Variants in IQCM observed in about 807,000 individuals in gnomAD.
IQCM encodes the protein IQ motif containing M, also known as IQ domain-containing protein M.
IQCM carries 45 observed loss-of-function variants against 57.6 expected under a neutral mutation model. The observed-to-expected ratio is 0.78, with a 90% CI of 0.62 to 1.00. The LOEUF (loss-of-function observed/expected upper bound fraction) is 1.00, where lower values mean the gene tolerates loss of function less well. Among genes scored for constraint, IQCM ranks in the 50% least tolerant of loss-of-function variants. IQCM has a pLI of 0.00. For missense variants in IQCM, 468 were observed against 511.6 expected (o/e 0.91, Z 0.82); for synonymous variants, 148 against 158.9 (o/e 0.93, Z 0.51).
In IQCM at chr4:149,733,517, A is replaced by G; in HGVS notation, c.121-9T>C. On this transcript the variant is annotated splice_polypyrimidine_tract_variant and intron_variant, in intron 4 of 13. Transcript: ENST00000636793. ...GTACCTTGAACTTTATTCTATGAAT[A>G]AAACAAAAATAGATTTTGGCAAAAT... is the stretch of plus-strand genomic sequence containing the variant. The G allele has an allele frequency of 8.2e-7, 1 of 1,212,122 alleles. No homozygotes were observed. The highest frequency in any genetic ancestry group is 3.2e-5 in the East Asian group (1 of 31,610). 75.1% of individuals were successfully genotyped at this position (1,212,122 alleles called of 1,614,324 possible).
At chr4:149,635,990 T>C (rs755249539) in intron 7 of IQCM, among the ~76,000 whole-genome samples, 1 of 152,166 alleles carries the variant, frequency 6.6e-6, no homozygotes, top group Non-Finnish European at 1.5e-5. Flanking sequence ...AGGTATAATA[T>C]TAAGAAATAT....
intron 12 of IQCM, among the ~76,000 whole-genome samples, chr4:149,466,139 G>C (rs1371986161): frequency 2.0e-5 from 3 of 152,148 alleles, no homozygotes; most frequent in Non-Finnish European, 4.4e-5. Flanking sequence ...TGTGAACAAT[G>C]CTGATAATAT....
intron 12 of IQCM, among the ~76,000 whole-genome samples, chr4:149,517,937 C>T (rs1745156691): frequency 6.6e-6 from 1 of 152,146 alleles, no homozygotes; most frequent in South Asian, 2.1e-4. Flanking sequence ...GTTAATACTA[C>T]TTAATAAACT....
intron 2 of IQCM, among the ~76,000 whole-genome samples, chr4:149,789,003 G>A (rs1160497702): frequency 1.3e-5 from 2 of 152,180 alleles, no homozygotes; most frequent in Non-Finnish European, 2.9e-5. Flanking sequence ...AGAATGTGCA[G>A]GTGGTAGAGG....
intron 5 of IQCM, among the ~76,000 whole-genome samples, chr4:149,714,945 G>A (rs1764866502): frequency 6.6e-6 from 1 of 152,192 alleles, no homozygotes; most frequent in South Asian, 2.1e-4. Context: ...TCAGAAGGAT[G>A]TATAATTTAA....
At chr4:149,669,501 T>C (rs958177399) in intron 7 of IQCM, among the ~76,000 whole-genome samples, 1 of 152,210 alleles carries the variant, frequency 6.6e-6, no homozygotes, top group Non-Finnish European at 1.5e-5. Flanking sequence ...TTTGTCAATT[T>C]TGGCTTTTGT....
At chr4:149,495,152 G>T (rs143708222) in intron 12 of IQCM, among the ~76,000 whole-genome samples, 2 of 151,880 alleles carry the variant, frequency 1.3e-5, no homozygotes, top group African/African-American at 2.4e-5. Flanking sequence ...AAGAATGAAG[G>T]CTTAGACAAC....
intron 9 of IQCM, among the ~76,000 whole-genome samples, chr4:149,580,305 C>T (rs1049114758): frequency 6.6e-6 from 1 of 151,598 alleles, no homozygotes; most frequent in Non-Finnish European, 1.5e-5. Flanking sequence ...ATGGCAAATG[C>T]CCTCACTTTA....
At chr4:149,520,716 C>T (rs751617713) in intron 12 of IQCM, among the ~76,000 whole-genome samples, 7 of 152,130 alleles carry the variant, frequency 4.6e-5, no homozygotes, top group African/African-American at 7.2e-5. Context: ...CTTCAATGAA[C>T]AAATTCTAGT....
intron 13 of IQCM, 130 bp downstream of exon 13, chr4:149,433,266 G>A: frequency 2.3e-6 from 1 of 442,024 alleles, no homozygotes; most frequent in Non-Finnish European, 3.7e-6. Flanking sequence ...GAGTATCTAA[G>A]AAGTAAAGAG....
chr4:149,369,250 A>G (rs890774363), intron 13 of IQCM, among the ~76,000 whole-genome samples: 3 of 150,968 alleles, frequency 2.0e-5, no homozygotes, highest in African/African-American at 7.3e-5. Context: ...CACCATGTTG[A>G]CCAGGCCAGT....
rs202092487 is a variant in IQCM, at chr4:149,539,641, G to A, written c.1228+8814C>T. Among the ~76,000 whole-genome samples, 6 of 152,024 alleles carry A rather than the reference G, an allele frequency of 3.9e-5. No homozygotes were observed. In the East Asian group the frequency reaches 5.8e-4, roughly 15 times the overall value. On this transcript the variant is annotated intron_variant, in intron 12 of 13. Transcript: ENST00000636793. ...CCCAGTAGGCCAAGGCAGACAGATC[G>A]TCTGAGGTCAGGAGTTTGAGACCAG...
chr4:149,630,108 G>T (rs1248995613), intron 7 of IQCM, among the ~76,000 whole-genome samples: 2 of 152,142 alleles, frequency 1.3e-5, no homozygotes, highest in Non-Finnish European at 2.9e-5. Flanking sequence ...TTGGTCTCAG[G>T]CTTACAAAGT....
intron 13 of IQCM, among the ~76,000 whole-genome samples, chr4:149,355,578 A>G (rs968144579): frequency 4.6e-5 from 7 of 152,034 alleles, no homozygotes; most frequent in African/African-American, 1.7e-4. Context: ...TGAACTCATC[A>G]TTTTTTATAG....
chr4:149,804,761 A>G (rs1019407261), intron 2 of IQCM, among the ~76,000 whole-genome samples: 3 of 152,096 alleles, frequency 2.0e-5, no homozygotes, highest in African/African-American at 7.2e-5. Flanking sequence ...TTCTAGTAAC[A>G]TGTGAGATAA....
chr4:149,760,801 A>C (rs1769431891), intron 2 of IQCM, among the ~76,000 whole-genome samples: 1 of 152,070 alleles, frequency 6.6e-6, no homozygotes, highest in East Asian at 1.9e-4. Flanking sequence ...TTCTCTTCTT[A>C]GTATTTACTC....
In IQCM at chr4:149,433,503, A is replaced by G; in HGVS notation, c.1283T>C (p.Leu428Ser). Residue 428 changes from leucine to serine, a missense_variant, in exon 13 of 14, where the codon TTA (leucine) becomes TCA (serine). Transcript: ENST00000636793. ...LIKKSKAIEMLFTLYPPEGAH... is the reference protein window; with the variant it reads ...LIKKSKAIEMSFTLYPPEGAH... ...ACCTTCAGGAGGATAGAGTGTAAAT[A>G]ACATTTCAATTGCTTTGGACTTTTT... is the stretch of plus-strand genomic sequence containing the variant. 1 of 1,205,752 alleles carries G rather than the reference A, an allele frequency of 8.3e-7. No homozygotes were observed. Among genetic ancestry groups the G allele is most frequent in the Non-Finnish European group, 1.0e-6 (1 of 964,276 alleles). The allele number at this position is 1,205,752 out of a possible 1,614,324, so 74.7% of individuals were successfully genotyped here.
chr4:149,738,121 C>G (rs1288621619), intron 3 of IQCM, among the ~76,000 whole-genome samples: 3 of 152,148 alleles, frequency 2.0e-5, no homozygotes, highest in African/African-American at 7.2e-5. Context: ...AAGCAGAGAC[C>G]TGACAGCCTG....
At chr4:149,614,178 A>G (rs923761562) in intron 8 of IQCM, among the ~76,000 whole-genome samples, 2 of 152,182 alleles carry the variant, frequency 1.3e-5, no homozygotes, top group Non-Finnish European at 2.9e-5. Context: ...CCAGAAGTCC[A>G]TAATATGTTC....
Sources: allele counts gnomAD v4.1 joint callset (sites outside exome capture counted in the v4.1 genomes callset), GRCh38; gene constraint gnomAD v4.1.1; transcripts MANE v1.5; gene names NCBI Gene and HGNC (gene_info 2026-07-23, HGNC 2026-07-21).